The following SGPP1 variants were observed in gnomAD, a reference collection of about 807,000 sequenced individuals.
The protein encoded by SGPP1 is hSPP1.
In SGPP1, 21 loss-of-function variants were observed where a neutral mutation model predicts 33.0. That is an observed-to-expected ratio of 0.64 (90% CI 0.45 to 0.92). SGPP1 has a LOEUF of 0.92. SGPP1 is among the 40% of genes least tolerant of loss of function. SGPP1 has a pLI of 0.00. For synonymous variants in SGPP1, 239 were observed against 241.2 expected (o/e 0.99, Z 0.08); for missense variants, 543 against 589.4 (o/e 0.92, Z 0.81).
chr14:63,716,346 T>C (rs919454326), intron 1 of SGPP1, among the ~76,000 whole-genome samples: 3 of 151,774 alleles, frequency 2.0e-5, no homozygotes, highest in Admixed American at 1.3e-4. Flanking sequence ...ATACAAAAAT[T>C]ACCTGGGTGT....
At chr14:63,724,938 G>A (rs1885847640) in intron 1 of SGPP1, among the ~76,000 whole-genome samples, 1 of 151,176 alleles carries the variant, frequency 6.6e-6, no homozygotes, top group African/African-American at 2.4e-5. Context: ...GATAACTTGA[G>A]CCCAGGAGTT....
chr14:63,712,043 A>G (rs1307253919), intron 1 of SGPP1, among the ~76,000 whole-genome samples: 2 of 151,968 alleles, frequency 1.3e-5, no homozygotes, highest in Non-Finnish European at 2.9e-5. Context: ...AAAAAAAAAA[A>G]AAAATCTGAG....
Position 63,698,640 on chromosome 14 carries a change from G to C in SGPP1, c.703C>G (p.Leu235Val). The C allele has an allele frequency of 6.3e-7, 1 of 1,598,814 alleles. No homozygotes were observed. Among genetic ancestry groups the C allele is most frequent in the South Asian group, 1.1e-5 (1 of 88,642 alleles). ...GAACACCAGCAGGGAATAAGAATCA[G>C]TCCATATATAAGAGGGTACTAAAGG... The part of the protein sequence containing the change: ...GRWQYPLIYG[L>V]ILIPCWCSLV... The change falls in exon 2 of 3, where the codon CTG (leucine) becomes GTG (valine). Residue 235 changes from leucine to valine, a missense_variant. By Grantham distance (32) the Leu-to-Val change is conservative. Transcript: ENST00000247225.
At position 63,728,046 on chromosome 14, in the gene SGPP1, T is replaced by C. The variant is rs531900723; in HGVS notation, c.-102A>G. ...GCGGAACCGGCACAGCGCTCTACCC[T>C]CCGGAGTCTGCCGGGTGACGGCGCC... On this transcript the variant is annotated 5_prime_UTR_variant, in exon 1 of 3. Transcript: ENST00000247225. The C allele has an allele frequency of 6.1e-4, 740 of 1,204,392 alleles. 3 individuals carry two copies. Among genetic ancestry groups the C allele is most frequent in the Non-Finnish European group, 7.6e-4 (719 of 952,194 alleles). 74.6% of individuals were successfully genotyped at this position (1,204,392 alleles called of 1,614,324 possible).
intron 1 of SGPP1, among the ~76,000 whole-genome samples, chr14:63,720,786 T>C (rs1220688682): frequency 6.6e-6 from 1 of 151,772 alleles, no homozygotes; most frequent in Non-Finnish European, 1.5e-5. Flanking sequence ...AACAACTATA[T>C]AAATGTATGT....
chr14:63,707,598 C>T (rs12896402), intron 1 of SGPP1, among the ~76,000 whole-genome samples: 10 of 150,482 alleles, frequency 6.6e-5, no homozygotes, highest in African/African-American at 2.0e-4. Context: ...TGCAATGGCG[C>T]GATCTCGGCT....
intron 1 of SGPP1, among the ~76,000 whole-genome samples, chr14:63,724,212 A>G (rs1283193502): frequency 6.6e-6 from 1 of 152,146 alleles, no homozygotes; most frequent in Non-Finnish European, 1.5e-5. Flanking sequence ...AGTGAGGAAT[A>G]ATGAAACAGA....
chr14:63,708,583 C>T, intron 1 of SGPP1, among the ~76,000 whole-genome samples: 1 of 151,942 alleles, frequency 6.6e-6, no homozygotes. Flanking sequence ...TTATTTCTGA[C>T]CGTTAATTTG....
chr14:63,705,160 A>G (rs1371331664), intron 1 of SGPP1, among the ~76,000 whole-genome samples: 2 of 150,432 alleles, frequency 1.3e-5, no homozygotes, highest in African/African-American at 4.9e-5. Flanking sequence ...CAAAACACTC[A>G]TGTACATCAA....
At chr14:63,721,594 A>G (rs956738920) in intron 1 of SGPP1, among the ~76,000 whole-genome samples, 7 of 152,120 alleles carry the variant, frequency 4.6e-5, no homozygotes, top group Admixed American at 2.6e-4. Context: ...ATAGTGATCA[A>G]TTTTTCTTGG....
chr14:63,686,510 G>A lies in SGPP1; in HGVS notation c.921C>T (p.Phe307=). 6.2e-7 allele frequency: 1 copy of A among 1,614,054 alleles called. No homozygotes were observed. Among genetic ancestry groups the A allele is most frequent in the East Asian group, 2.2e-5 (1 of 44,870 alleles). ...GGGATGTGCTCCAGGTGTCAAGAGT[G>A]AAAGAAAAGATCCCCAAAGCTAAAT... ...GLHLALGIFS[F]TLDTWSTSRG... Residue 307 remains phenylalanine (F), a synonymous_variant, in exon 3 of 3, where the codon TTC becomes TTT. Transcript: ENST00000247225.
intron 1 of SGPP1, among the ~76,000 whole-genome samples, chr14:63,709,073 A>C (rs11849082): frequency 0.047 from 7,084 of 152,196 alleles, 270 homozygotes; most frequent in African/African-American, 0.1. Context: ...GGTAGAAGAG[A>C]GCTTAAAGAT....
Position 63,686,047 on chromosome 14 carries a change from T to C in SGPP1, c.*58A>G. On this transcript the variant is annotated 3_prime_UTR_variant, in exon 3 of 3. Transcript: ENST00000247225. ...TTCTGACCTGGCTTTACCTGGAATA[T>C]ATTTTTGGGTATCAGTAACTGATAC... 6.7e-6 allele frequency: 7 copies of C among 1,037,702 alleles called. No homozygotes were observed. The highest frequency in any genetic ancestry group is 9.6e-6 in the Non-Finnish European group (7 of 732,584). 64.3% of individuals were successfully genotyped at this position (1,037,702 alleles called of 1,614,324 possible).
chr14:63,716,511 A>C (rs1192124326), intron 1 of SGPP1, among the ~76,000 whole-genome samples: 1 of 151,848 alleles, frequency 6.6e-6, no homozygotes, highest in Non-Finnish European at 1.5e-5. Flanking sequence ...CAAACAAAAA[A>C]ATTAAAAATA....
At chr14:63,701,428 T>C (rs1169372577) in intron 1 of SGPP1, among the ~76,000 whole-genome samples, 1 of 152,146 alleles carries the variant, frequency 6.6e-6, no homozygotes, top group African/African-American at 2.4e-5. Context: ...GTTACAGTAT[T>C]AAATAGAAGA....
chr14:63,715,284 G>A (rs1279637689), intron 1 of SGPP1, among the ~76,000 whole-genome samples: 1 of 151,996 alleles, frequency 6.6e-6, no homozygotes, highest in Non-Finnish European at 1.5e-5. Context: ...CAAAGTGCTG[G>A]GATTACAGGC....
chr14:63,708,165 G>A (rs1428676610), intron 1 of SGPP1, among the ~76,000 whole-genome samples: 2 of 150,676 alleles, frequency 1.3e-5, no homozygotes, highest in South Asian at 2.1e-4. Context: ...TTGTGGTATC[G>A]TCCTCCACTC....
chr14:63,699,108 C>G (rs17101371), intron 1 of SGPP1, among the ~76,000 whole-genome samples: 21,914 of 152,174 alleles, frequency 0.14, 4,077 homozygotes, highest in African/African-American at 0.44. Flanking sequence ...ACTGCTATCT[C>G]CAATTTATAT....
chr14:63,703,799 A>C (rs1218732662), intron 1 of SGPP1, among the ~76,000 whole-genome samples: 1 of 137,930 alleles, frequency 7.3e-6, no homozygotes, highest in Non-Finnish European at 1.6e-5. Context: ...TCCCTATTTA[A>C]GTTTTTTTTT....
Sources: gnomAD v4.1 joint callset for allele counts (sites outside exome capture counted in the v4.1 genomes callset) on GRCh38, gnomAD v4.1.1 for gene constraint, MANE v1.5 for transcripts, NCBI Gene and HGNC (gene_info 2026-07-23, HGNC 2026-07-21) for gene names.